Variants in NTM observed in about 807,000 individuals in gnomAD.
NTM encodes IgLON family member 2.
A neutral mutation model predicts 42.1 loss-of-function variants in NTM; 13 were observed. The observed-to-expected ratio is 0.31, with a 90% confidence interval of 0.20 to 0.49. NTM has a LOEUF of 0.49. Ranked by LOEUF, NTM falls within the 20% of genes least tolerant of loss-of-function variation. The probability of loss-of-function intolerance (pLI) is 0.99; values close to 1 mark genes in which losing one functional copy is unlikely to be tolerated. For synonymous variants in NTM, 187 were observed against 179.2 expected, an observed-to-expected ratio of 1.04 and a Z score of -0.35; for missense variants, 373 against 452.8, an observed-to-expected ratio of 0.82 and a Z score of 1.60.
At chr11:131,533,905 CT>C (rs2051701336) in intron 1 of NTM, 2 of 152,356 alleles carry the variant, frequency 1.3e-5, no homozygotes, top group African/African-American at 4.8e-5. Context: ...TTGAAGCCCC[CT>C]GTCCCACGAC....
At chr11:132,071,863 C>T (rs2057722612) in intron 2 of NTM, among the ~76,000 whole-genome samples, 1 of 152,098 alleles carries the variant, frequency 6.6e-6, no homozygotes, top group Admixed American at 6.6e-5. Context: ...CCATCAGTAG[C>T]AATAGGCCTG....
chr11:131,614,693 G>A (rs1157437791), intron 1 of NTM, among the ~76,000 whole-genome samples: 2 of 152,228 alleles, frequency 1.3e-5, no homozygotes, highest in Admixed American at 6.5e-5. Context: ...AAGGTCCCCT[G>A]AGTTGTACAA....
At chr11:132,096,459 G>A (rs182498034) in intron 2 of NTM, among the ~76,000 whole-genome samples, 114 of 152,242 alleles carry the variant, frequency 7.5e-4, no homozygotes, top group African/African-American at 2.6e-3. Flanking sequence ...ATTTAGAATG[G>A]GGAATAGAAA....
At position 131,641,729 on chromosome 11, in the gene NTM, A is replaced by ATT. The variant is rs139661617; in HGVS notation, c.83-269818_83-269817dup. ...TTTCTTTAAAGCTCTAATAGTCTAG[A>ATT]TTTTTTTTTTTTTTTTTTGATGGAG... On this transcript the variant is annotated intron_variant, in intron 1 of 8. Coordinates refer to ENST00000683400, the MANE Select transcript of NTM (RefSeq NM_001352005.2). Among the ~76,000 whole-genome samples the ATT allele has an allele frequency of 2.9e-3, 413 of 140,630 alleles. 3 individuals are homozygous for ATT. Among genetic ancestry groups the ATT allele is most frequent in the African/African-American group, 7.4e-3 (282 of 38,028 alleles). 92.3% of individuals were successfully genotyped at this position (140,630 alleles called of 152,430 possible).
intron 1 of NTM, among the ~76,000 whole-genome samples, chr11:131,377,108 C>A (rs1011190440): frequency 6.6e-6 from 1 of 152,150 alleles, no homozygotes; most frequent in South Asian, 2.1e-4. Flanking sequence ...TGATGGATGG[C>A]AGGGAAGTAA....
At chr11:131,538,622 T>C in intron 1 of NTM, 1 of 152,282 alleles carries the variant, frequency 6.6e-6, no homozygotes, top group East Asian at 1.9e-4. Flanking sequence ...AGGCTGTTGG[T>C]TCTCTCTGGA....
At chr11:131,834,577 C>T (rs1442280059) in intron 1 of NTM, among the ~76,000 whole-genome samples, 1 of 145,986 alleles carries the variant, frequency 6.8e-6, no homozygotes, top group Non-Finnish European at 1.5e-5. Context: ...ATCATCATCA[C>T]TATAAGCCAA....
At chr11:131,800,572 C>A (rs568409404) in intron 1 of NTM, among the ~76,000 whole-genome samples, 51 of 152,302 alleles carry the variant, frequency 3.3e-4, no homozygotes, top group Middle Eastern at 3.4e-3. Context: ...ATCATTGGTT[C>A]CCCTGAGCCT....
At chr11:131,517,184 A>C (rs919242192) in intron 1 of NTM, among the ~76,000 whole-genome samples, 4 of 152,184 alleles carry the variant, frequency 2.6e-5, no homozygotes, top group African/African-American at 9.7e-5. Context: ...CATTTTACAG[A>C]TATCCCAATC....
intron 1 of NTM, among the ~76,000 whole-genome samples, chr11:131,485,636 T>C (rs910782547): frequency 4.6e-5 from 7 of 152,174 alleles, no homozygotes; most frequent in Non-Finnish European, 8.8e-5. Context: ...TGAGAATAAG[T>C]AGTAAATTAG....
At chr11:131,595,115 G>C (rs972346734) in intron 1 of NTM, among the ~76,000 whole-genome samples, 1 of 152,156 alleles carries the variant, frequency 6.6e-6, no homozygotes, top group African/African-American at 2.4e-5. Flanking sequence ...TGCCATTTGG[G>C]GAGGAAAGGC....
chr11:131,684,563 T>G (rs1212875963), intron 1 of NTM, among the ~76,000 whole-genome samples: 1 of 152,238 alleles, frequency 6.6e-6, no homozygotes, highest in African/African-American at 2.4e-5. Context: ...GCTTCCTTTA[T>G]GTAGGACACT....
At chr11:131,733,724 TG>T (rs529462158) in intron 1 of NTM, among the ~76,000 whole-genome samples, 1 of 151,878 alleles carries the variant, frequency 6.6e-6, no homozygotes, top group African/African-American at 2.4e-5. Context: ...TTAGTAGAGA[TG>T]GGGGGGTTTG....
intron 2 of NTM, among the ~76,000 whole-genome samples, chr11:131,960,749 C>T (rs2062070013): frequency 1.3e-5 from 2 of 152,144 alleles, no homozygotes; most frequent in African/African-American, 2.4e-5. Context: ...CCAGGGTCTA[C>T]AGCGTTCCTC....
chr11:131,729,943 C>A (rs761881088), intron 1 of NTM, among the ~76,000 whole-genome samples: 7 of 152,142 alleles, frequency 4.6e-5, no homozygotes, highest in Non-Finnish European at 1.0e-4. Context: ...GTTTTAATTT[C>A]TCTCGGGCAT....
intron 6 of NTM, 35 bp from the exon 7 acceptor site, chr11:132,314,517 T>C (rs755735711): frequency 2.5e-6 from 4 of 1,589,290 alleles, no homozygotes; most frequent in South Asian, 2.3e-5. Flanking sequence ...CATAACCATC[T>C]TGTTTTCTTC....
intron 2 of NTM, among the ~76,000 whole-genome samples, chr11:131,925,124 A>G (rs982817498): frequency 6.6e-6 from 1 of 152,226 alleles, no homozygotes; most frequent in African/African-American, 2.4e-5. Context: ...GAGGCAAATG[A>G]GCACATATCC....
rs114709619 is a variant in NTM, at chr11:132,309,449, C to T, written c.662-663C>T. ...GAGGTTATATACTTTTGGCAAGAAC[C>T]TGGTGTGCAGAAATTCTAGAAGGCT... On this transcript the variant is annotated intron_variant, in intron 5 of 8. Coordinates refer to ENST00000683400, the MANE Select transcript of NTM (RefSeq NM_001352005.2). Among the ~76,000 whole-genome samples the T allele has an allele frequency of 1.9e-3, 291 of 152,248 alleles. 2 individuals carry two copies. The highest frequency in any genetic ancestry group is 6.1e-3 in the African/African-American group (255 of 41,534).
At chr11:131,914,438 G>A (rs575913126) in intron 2 of NTM, among the ~76,000 whole-genome samples, 1 of 152,298 alleles carries the variant, frequency 6.6e-6, no homozygotes, top group South Asian at 2.1e-4. Flanking sequence ...GGGTGATTGG[G>A]TGATGATGGT....
Sources: gnomAD v4.1 joint callset for allele counts (sites outside exome capture counted in the v4.1 genomes callset) on GRCh38, gnomAD v4.1.1 for gene constraint, MANE v1.5 for transcripts, NCBI Gene and HGNC (gene_info 2026-07-23, HGNC 2026-07-21) for gene names.